The following SEC14L3 variants were observed in gnomAD, a reference collection of about 807,000 sequenced individuals.
SEC14L3 encodes SEC14 like lipid binding 3, also known as SEC14-like protein 3.
A neutral mutation model predicts 57.4 loss-of-function variants in SEC14L3; 56 were observed. That is an observed-to-expected ratio of 0.97 (90% CI 0.79 to 1.22). The LOEUF is 1.22. Among genes scored for constraint, SEC14L3 ranks in the 50% most tolerant of loss-of-function variants. The probability of loss-of-function intolerance (pLI) is 0.00; values close to 1 mark genes in which losing one functional copy is unlikely to be tolerated. For missense variants in SEC14L3, 485 were observed against 511.7 expected, an observed-to-expected ratio of 0.95 and a Z score of 0.50; for synonymous variants, 173 against 194.4, an observed-to-expected ratio of 0.89 and a Z score of 0.92.
downstream of SEC14L3, among the ~76,000 whole-genome samples, chr22:30,458,425 C>A (rs1601813314): frequency 1.3e-5 from 2 of 152,322 alleles, no homozygotes; most frequent in African/African-American, 4.8e-5. Flanking sequence ...CCTATCACCT[C>A]CTCTACCCAC....
chr22:30,447,730 G>A (rs1161281067), downstream of SEC14L3, among the ~76,000 whole-genome samples: 1 of 152,186 alleles, frequency 6.6e-6, no homozygotes, highest in Non-Finnish European at 1.5e-5. Context: ...TCCATCGTGA[G>A]TGAGGAGGAC....
chr22:30,451,850 C>G (rs970315013), intron 12 of SEC14L3, among the ~76,000 whole-genome samples: 5 of 151,670 alleles, frequency 3.3e-5, no homozygotes, highest in African/African-American at 4.8e-5. Flanking sequence ...ATTAGCCAGG[C>G]ATGGTGGGAC....
At chr22:30,448,737 GA>G (rs1218667768) in exon 13 of SEC14L3, 8 of 184,326 alleles carry the variant, frequency 4.3e-5, no homozygotes, top group East Asian at 4.0e-4. Flanking sequence ...AAGAAAGAAA[GA>G]AAAAAAACCC....
chr22:30,470,311 G>C (rs1935563531), intron 2 of SEC14L3, 56 bp from the exon 3 acceptor site: 1 of 1,600,932 alleles, frequency 6.2e-7, no homozygotes. Context: ...TCTTACTCCT[G>C]GCCAGTGGGA....
intron 5 of SEC14L3, 132 bp from the exon 6 acceptor site, chr22:30,467,209 C>T: frequency 8.3e-7 from 1 of 1,208,924 alleles, no homozygotes; most frequent in East Asian, 2.6e-5. Context: ...GTAGACTAAC[C>T]AGTGAATGCA....
At position 30,466,273 on chromosome 22, in the gene SEC14L3, C is replaced by T. The variant is rs1158337721; in HGVS notation, c.580+61G>A. Reference sequence around the variant, plus strand: ...AATCCTGGGACAAAGACAGTGTTATCACCCTCAGCGTACAGATGAGGAAAC... The same window carrying T: ...AATCCTGGGACAAAGACAGTGTTATTACCCTCAGCGTACAGATGAGGAAAC... On this transcript the variant is annotated intron_variant, in intron 7 of 11. Transcript: ENST00000215812. 2.0e-6 allele frequency: 3 copies of T among 1,470,238 alleles called. No individual in the cohort carries two copies. In the African/African-American group the frequency reaches 4.2e-5, roughly 20 times the overall value. The allele number at this position is 1,470,238 out of a possible 1,614,324, so 91.1% of individuals were successfully genotyped here. A position where few individuals can be genotyped will look rare whatever the true frequency, so the allele number is the denominator to read the frequency against.
In SEC14L3 at chr22:30,459,563, C is replaced by T. The variant is rs918341075; in HGVS notation, c.*458G>A. ...CTAATCATGTACAGCTGTTGAGTCA[C>T]CTGCACCCTACCTTCTGGTCCTCCA... On this transcript the variant is annotated 3_prime_UTR_variant, in exon 12 of 12. Transcript: ENST00000215812. 1 of 988,080 alleles carries T rather than the reference C, an allele frequency of 1.0e-6. No individual in the cohort carries two copies. Among genetic ancestry groups the T allele is most frequent in the African/African-American group, 1.7e-5 (1 of 57,244 alleles). The allele number at this position is 988,080 out of a possible 1,614,324, so 61.2% of individuals were successfully genotyped here.
At chr22:30,462,574 T>C (rs1935301366) in intron 8 of SEC14L3, among the ~76,000 whole-genome samples, 1 of 151,980 alleles carries the variant, frequency 6.6e-6, no homozygotes, top group Non-Finnish European at 1.5e-5. Context: ...GCCTGGCTAA[T>C]TTTTATTTGG....
At chr22:30,469,400 T>A (rs1362399360) in intron 4 of SEC14L3, among the ~76,000 whole-genome samples, 8 of 151,994 alleles carry the variant, frequency 5.3e-5, no homozygotes, top group Non-Finnish European at 1.0e-4. Context: ...TTCTACCTAC[T>A]TTTTTTGTAA....
intron 12 of SEC14L3, among the ~76,000 whole-genome samples, chr22:30,453,763 C>G (rs775676060): frequency 1.3e-5 from 2 of 152,112 alleles, no homozygotes; most frequent in East Asian, 1.9e-4. Context: ...AGTTAATGGC[C>G]GTGGAAGAAT....
chr22:30,466,622 TATA>T (rs1248816690), intron 6 of SEC14L3, among the ~76,000 whole-genome samples: 2 of 152,206 alleles, frequency 1.3e-5, no homozygotes, highest in South Asian at 2.1e-4. Context: ...ATAATGGTAG[TATA>T]ATAATAATGA....
chr22:30,452,010 G>GAAA (rs1226997169), intron 12 of SEC14L3, among the ~76,000 whole-genome samples: 2 of 110,014 alleles, frequency 1.8e-5, no homozygotes, highest in Admixed American at 1.1e-4. Context: ...AAAAAAAAAA[G>GAAA]AAAAAAGAAA....
intron 11 of SEC14L3, 46 bp downstream of exon 11, chr22:30,461,264 G>A (rs546882667): frequency 1.0e-5 from 16 of 1,535,342 alleles, no homozygotes; most frequent in Non-Finnish European, 1.4e-5. Flanking sequence ...CATGGGACAG[G>A]TGGCTCTAGC....
chr22:30,454,067 G>A (rs1935036165), intron 12 of SEC14L3, among the ~76,000 whole-genome samples: 1 of 152,138 alleles, frequency 6.6e-6, no homozygotes, highest in South Asian at 2.1e-4. Context: ...CCTGGCCTTT[G>A]TTTTCCTACC....
At chr22:30,469,907 A>C (rs1935545234) in intron 4 of SEC14L3, 112 bp downstream of exon 4, 1 of 758,868 alleles carries the variant, frequency 1.3e-6, no homozygotes, top group African/African-American at 1.7e-5. Flanking sequence ...AGGAGACTGC[A>C]GGCCTGCGGG....
chr22:30,464,954 A>T, intron 7 of SEC14L3, 51 bp from the exon 8 acceptor site: 6 of 1,611,858 alleles, frequency 3.7e-6, no homozygotes, highest in Non-Finnish European at 5.1e-6. Flanking sequence ...ACATTGGGCA[A>T]CCCCCTCCAT....
chr22:30,458,257 G>A (rs79265042), downstream of SEC14L3, among the ~76,000 whole-genome samples: 389 of 152,332 alleles, frequency 2.6e-3, 2 homozygotes, highest in Non-Finnish European at 3.2e-3. Context: ...CCTGGCCTTT[G>A]CCCTAGTCAC....
chr22:30,455,085 TA>T (rs1935087234), downstream of SEC14L3, among the ~76,000 whole-genome samples: 3 of 79,548 alleles, frequency 3.8e-5, no homozygotes, highest in African/African-American at 5.2e-5. Context: ...ATATATTAAA[TA>T]TTTAATATAT....
chr22:30,461,352 C>T lies in SEC14L3; in HGVS notation c.1039G>A (p.Val347Met). The change falls in exon 11 of 12, where the codon GTG (valine) becomes ATG (methionine). Residue 347 changes from valine (V) to methionine (M), a missense_variant. Coordinates refer to ENST00000215812, the MANE Select transcript of SEC14L3 (RefSeq NM_174975.5). ...CAGGTGAGGTTCCCATCCTCGGGCA[C>T]CATGTGGGCGTTATAGCGCTGGCTG... ...LPSQRYNAHM[V>M]PEDGNLTCSE... 6.2e-7 allele frequency: 1 copy of T among 1,612,390 alleles called. No homozygotes were observed. The highest frequency in any genetic ancestry group is 8.5e-7 in the Non-Finnish European group (1 of 1,179,138).
Sources: allele counts gnomAD v4.1 joint callset (sites outside exome capture counted in the v4.1 genomes callset), GRCh38; gene constraint gnomAD v4.1.1; transcripts MANE v1.5; gene names NCBI Gene and HGNC (gene_info 2026-07-23, HGNC 2026-07-21).